The following DYDC1 variants were observed in gnomAD, a reference collection of about 807,000 sequenced individuals.
DYDC1 encodes the protein DPY30 domain-containing protein 1.
Under a neutral mutation model 27.9 loss-of-function variants are expected in DYDC1, and 21 were observed. The ratio of observed to expected loss-of-function variants is 0.75; its 90% CI spans 0.53 to 1.08. The LOEUF is 1.08. Ranked by LOEUF, DYDC1 falls within the 50% of genes least tolerant of loss-of-function variation. DYDC1 has a pLI of 0.00. For synonymous variants in DYDC1, 67 were observed against 65.8 expected (o/e 1.02, Z -0.09); for missense variants, 202 against 205.9 (o/e 0.98, Z 0.12).
intron 1 of DYDC1, among the ~76,000 whole-genome samples, chr10:80,353,632 A>T (rs1204050216): frequency 6.7e-6 from 1 of 150,018 alleles, no homozygotes; most frequent in Non-Finnish European, 1.5e-5. Flanking sequence ...CGGGCGGATC[A>T]CAAGGTCAGG....
chr10:80,337,533 T>C (rs1473330915), intron 6 of DYDC1: 1 of 642,024 alleles, frequency 1.6e-6, no homozygotes, highest in East Asian at 1.4e-4. Context: ...AATGTAGCTC[T>C]CATCATATGA....
chr10:80,337,500 C>G, intron 6 of DYDC1: 7 of 941,934 alleles, frequency 7.4e-6, no homozygotes, highest in Non-Finnish European at 8.9e-6. Context: ...CTTCCCCACA[C>G]TGTTACCAGA....
chr10:80,347,971 G>C (rs998318838), intron 3 of DYDC1, among the ~76,000 whole-genome samples: 3 of 152,092 alleles, frequency 2.0e-5, no homozygotes, highest in African/African-American at 7.2e-5. Context: ...TTAGAATTGG[G>C]TTTTTCTGTT....
chr10:80,352,573 A>G lies in DYDC1; in HGVS notation c.29T>C (p.Leu10Pro), dbSNP rs774598857. Residue 10 changes from leucine to proline, a missense_variant, in exon 2 of 7, where the codon CTT (leucine) becomes CCT (proline). Coordinates refer to ENST00000372202, the MANE Select transcript of DYDC1 (RefSeq NM_001269053.2). ...AAGACCTTGAGTTAAACAGGCCCCA[A>G]GGTGCTTTTGAAGATATATTGACTC... MESIYLQKHLGACLTQGLAE... is the reference protein window; with the variant it reads MESIYLQKHPGACLTQGLAE... The G allele has an allele frequency of 9.3e-6, 15 of 1,611,670 alleles. No homozygotes were observed. The Admixed American group carries it at 1.2e-4, about 13-fold the overall frequency.
At chr10:80,342,930 G>A (rs1316688034) in intron 3 of DYDC1, among the ~76,000 whole-genome samples, 1 of 143,328 alleles carries the variant, frequency 7.0e-6, no homozygotes, top group African/African-American at 2.6e-5. Context: ...GCAGTGAGCC[G>A]AGATTGTGCC....
At chr10:80,346,444 C>CTTTTTTTTTTTTTTTTTTTTTTTTTT (rs1032729095) in intron 3 of DYDC1, among the ~76,000 whole-genome samples, 8 of 83,358 alleles carry the variant, frequency 9.6e-5, no homozygotes, top group African/African-American at 3.0e-4. Context: ...TCTTCCCTTT[C>CTTTTTTTTTTTTTTTTTTTTTTTTTT]TTTTTTTTTT....
At chr10:80,339,681 A>G (rs1013784098) in intron 4 of DYDC1, among the ~76,000 whole-genome samples, 3 of 152,214 alleles carry the variant, frequency 2.0e-5, no homozygotes, top group Admixed American at 1.3e-4. Context: ...AATGTGAAAC[A>G]TTCTTCTAGT....
intron 1 of DYDC1, 170 bp downstream of exon 1, chr10:80,356,542 G>A: frequency 1.0e-6 from 1 of 985,514 alleles, no homozygotes; most frequent in Non-Finnish European, 1.2e-6. Flanking sequence ...GGAGCAGGAG[G>A]ACAGCTGGCC....
chr10:80,342,980 C>CAAAAAAAAA (rs55665661), intron 3 of DYDC1, among the ~76,000 whole-genome samples: 7 of 93,840 alleles, frequency 7.5e-5, no homozygotes, highest in African/African-American at 2.0e-4. Flanking sequence ...GACTCCCTCT[C>CAAAAAAAAA]AAAAAAAAAA....
At position 80,337,428 on chromosome 10, in the gene DYDC1, G is replaced by A. The variant is rs544827757; in HGVS notation, c.504+1039C>T. 8 of 985,332 alleles carry A rather than the reference G, an allele frequency of 8.1e-6. No individual in the cohort carries two copies. The African/African-American group carries it at 8.7e-5, about 11-fold the overall frequency. 61.0% of individuals were successfully genotyped at this position (985,332 alleles called of 1,614,324 possible). A position where few individuals can be genotyped will look rare whatever the true frequency, so the allele number is the denominator to read the frequency against. On this transcript the variant is annotated intron_variant, in intron 6 of 6. Transcript: ENST00000372202. ...AAAACAACATTTACTTCAGGCCATC[G>A]ACATCTTGTCCCCTAGATTACTACC... is the stretch of plus-strand genomic sequence containing the variant.
At chr10:80,345,062 T>TAG (rs34319774) in intron 3 of DYDC1, among the ~76,000 whole-genome samples, 114,753 of 151,944 alleles carry the variant, frequency 0.76, 44,382 homozygotes, top group East Asian at 0.97. Context: ...CATGAGAAAA[T>TAG]AGTGTTTAAA....
chr10:80,352,804 T>C, intron 1 of DYDC1, 194 bp from the exon 2 acceptor site: 2 of 524,196 alleles, frequency 3.8e-6, no homozygotes, highest in Non-Finnish European at 5.9e-6. Context: ...AGGAAGTCAC[T>C]ACAACTAACA....
intron 2 of DYDC1, 21 bp downstream of exon 2, chr10:80,352,434 T>TAG (rs1369999296): frequency 1.3e-6 from 2 of 1,557,288 alleles, no homozygotes; most frequent in Admixed American, 2.1e-5. Context: ...TCTAATTTCC[T>TAG]AGAAGGAGAT....
intron 6 of DYDC1, 29 bp downstream of exon 6, chr10:80,338,438 G>T: frequency 6.2e-7 from 1 of 1,606,660 alleles, no homozygotes; most frequent in Non-Finnish European, 8.5e-7. Flanking sequence ...ACAAAAACGA[G>T]TTTTTTCACA....
intron 3 of DYDC1, among the ~76,000 whole-genome samples, chr10:80,345,215 C>T (rs553353669): frequency 4.0e-4 from 61 of 152,234 alleles, no homozygotes; most frequent in Non-Finnish European, 6.2e-4. Flanking sequence ...GAATTTTTGT[C>T]AGAAACAGAA....
chr10:80,354,113 C>G (rs1358390747), intron 1 of DYDC1, among the ~76,000 whole-genome samples: 1 of 144,552 alleles, frequency 6.9e-6, no homozygotes, highest in Non-Finnish European at 1.5e-5. Flanking sequence ...GAGACTCTGT[C>G]TCATATATAA....
At chr10:80,339,442 T>C (rs1453323049) in intron 4 of DYDC1, among the ~76,000 whole-genome samples, 1 of 151,600 alleles carries the variant, frequency 6.6e-6, no homozygotes, top group Non-Finnish European at 1.5e-5. Flanking sequence ...TCTGCCAATA[T>C]AAAAAGTGAC....
At chr10:80,348,992 C>T (rs987598830) in intron 3 of DYDC1, among the ~76,000 whole-genome samples, 1 of 152,086 alleles carries the variant, frequency 6.6e-6, no homozygotes, top group African/African-American at 2.4e-5. Context: ...CCTGGGTTCG[C>T]GCCATTCTTC....
intron 6 of DYDC1, 169 bp downstream of exon 6, chr10:80,338,298 A>T (rs1842201732): frequency 3.7e-6 from 5 of 1,350,332 alleles, no homozygotes; most frequent in Middle Eastern, 2.2e-4. Context: ...CAGAATGCCA[A>T]TTAGGAATAT....
Sources: allele counts gnomAD v4.1 joint callset (sites outside exome capture counted in the v4.1 genomes callset), GRCh38; gene constraint gnomAD v4.1.1; transcripts MANE v1.5; gene names NCBI Gene and HGNC (gene_info 2026-07-23, HGNC 2026-07-21).